MCF2L2: variants seen among roughly 807,000 people sequenced by gnomAD.
The protein encoded by MCF2L2 is probable guanine nucleotide exchange factor MCF2L2.
Under a neutral mutation model 150.2 loss-of-function variants are expected in MCF2L2, and 102 were observed. That is an observed-to-expected ratio of 0.68 (90% CI 0.58 to 0.80). The LOEUF (loss-of-function observed/expected upper bound fraction) is 0.80. MCF2L2 is among the 30% of genes least tolerant of loss of function. MCF2L2 has a pLI of 0.00. For missense variants in MCF2L2, 1,256 were observed against 1,372.8 expected, an observed-to-expected ratio of 0.91 and a Z score of 1.34; for synonymous variants, 465 against 491.3, an observed-to-expected ratio of 0.95 and a Z score of 0.71.
rs376011723 is a variant in MCF2L2 at position 183,310,873 on chromosome 3, C to T, written c.993+42G>A. On this transcript the variant is annotated intron_variant, in intron 9 of 29. Transcript: ENST00000328913. ...AGGAGGGAGAGAAAACCAGAGGTCC[C>T]GGTACCAGAAAAGAAAGTTACAGTA... 95 of 1,378,064 alleles carry T rather than the reference C, an allele frequency of 6.9e-5. 1 individual carries two copies. Among genetic ancestry groups the T allele is most frequent in the Middle Eastern group, 5.4e-4 (3 of 5,582 alleles). 85.4% of individuals were successfully genotyped at this position (1,378,064 alleles called of 1,614,324 possible). A position where few individuals can be genotyped will look rare whatever the true frequency, so the allele number is the denominator to read the frequency against.
chr3:183,409,058 C>T (rs1715187802), intron 1 of MCF2L2, among the ~76,000 whole-genome samples: 1 of 152,178 alleles, frequency 6.6e-6, no homozygotes, highest in Admixed American at 6.5e-5. Flanking sequence ...CCTTAACAGG[C>T]TTATTATCCT....
chr3:183,277,250 T>G (rs1026278012), intron 14 of MCF2L2, among the ~76,000 whole-genome samples: 1 of 151,608 alleles, frequency 6.6e-6, no homozygotes, highest in African/African-American at 2.4e-5. Context: ...GGCAGGAGAA[T>G]TGCTCGAACC....
intron 1 of MCF2L2, among the ~76,000 whole-genome samples, chr3:183,424,859 G>A (rs767697382): frequency 1.3e-5 from 2 of 152,148 alleles, no homozygotes; most frequent in African/African-American, 2.4e-5. Context: ...AAAAGGTCTG[G>A]AAAACATAAT....
chr3:183,334,454 G>A (rs9838217), intron 5 of MCF2L2, among the ~76,000 whole-genome samples: 5,800 of 151,960 alleles, frequency 0.038, 368 homozygotes, highest in African/African-American at 0.13. Flanking sequence ...GCCTCCAGGC[G>A]ATACTCCAAG....
chr3:183,278,209 TA>T (rs998701445), intron 14 of MCF2L2, among the ~76,000 whole-genome samples: 5 of 148,528 alleles, frequency 3.4e-5, no homozygotes, highest in African/African-American at 1.3e-4. Flanking sequence ...TATATATATA[TA>T]TTTTTTATTA....
chr3:183,399,945 A>C (rs1482305426), intron 1 of MCF2L2, among the ~76,000 whole-genome samples: 2 of 152,222 alleles, frequency 1.3e-5, no homozygotes, highest in Non-Finnish European at 2.9e-5. Context: ...AATAGAAAAT[A>C]CAACCAAACA....
intron 15 of MCF2L2, among the ~76,000 whole-genome samples, chr3:183,233,270 C>T (rs1029497433): frequency 5.3e-5 from 8 of 151,850 alleles, no homozygotes; most frequent in Admixed American, 2.6e-4. Flanking sequence ...GATAATTACT[C>T]GAACCCAGGA....
intron 7 of MCF2L2, among the ~76,000 whole-genome samples, chr3:183,316,958 G>A (rs1049949451): frequency 6.6e-6 from 1 of 151,578 alleles, no homozygotes; most frequent in East Asian, 2.0e-4. Flanking sequence ...CGCCCACCTC[G>A]GCCTCCCAAA....
intron 11 of MCF2L2, 65 bp from the exon 12 acceptor site, chr3:183,297,232 C>T: frequency 7.1e-7 from 1 of 1,402,978 alleles, no homozygotes; most frequent in Non-Finnish European, 1.0e-6. Context: ...CCGTAATCCT[C>T]AGCAGGTCTG....
chr3:183,374,215 T>G (rs1355760763), intron 3 of MCF2L2: 1 of 152,420 alleles, frequency 6.6e-6, no homozygotes, highest in African/African-American at 2.4e-5. Context: ...CTCCTTAACT[T>G]GGGGGTAAAG....
chr3:183,365,673 G>T (rs557080083), intron 3 of MCF2L2, among the ~76,000 whole-genome samples: 1 of 152,262 alleles, frequency 6.6e-6, no homozygotes, highest in African/African-American at 2.4e-5. Flanking sequence ...AAGCATGGAT[G>T]AATTACTCTA....
chr3:183,339,636 C>T (rs970504144), intron 4 of MCF2L2, among the ~76,000 whole-genome samples: 21 of 152,166 alleles, frequency 1.4e-4, no homozygotes, highest in African/African-American at 4.8e-4. Flanking sequence ...TCGCCCACAT[C>T]GCAAGGCAAG....
intron 3 of MCF2L2, among the ~76,000 whole-genome samples, chr3:183,351,618 T>C (rs974615425): frequency 6.6e-6 from 1 of 152,170 alleles, no homozygotes; most frequent in East Asian, 1.9e-4. Context: ...ATAGATATAC[T>C]GCACATGGGG....
intron 15 of MCF2L2, among the ~76,000 whole-genome samples, chr3:183,259,157 C>T (rs1056161232): frequency 1.3e-5 from 2 of 152,172 alleles, no homozygotes; most frequent in Non-Finnish European, 2.9e-5. Context: ...CAACATAATG[C>T]AACATTTCAA....
At chr3:183,188,968 CA>C (rs61285950) in intron 27 of MCF2L2, among the ~76,000 whole-genome samples, 12,687 of 140,592 alleles carry the variant, frequency 0.09, 1,421 homozygotes, top group African/African-American at 0.28. Flanking sequence ...AACTCTATCG[CA>C]AAAAAAAAAA....
intron 15 of MCF2L2, chr3:183,253,302 C>G (rs1416457123): frequency 6.6e-6 from 1 of 152,040 alleles, no homozygotes; most frequent in South Asian, 2.1e-4. Flanking sequence ...CAGCGCTGCC[C>G]GTCCAGTCCT....
At chr3:183,292,135 A>G (rs558398238) in intron 13 of MCF2L2, among the ~76,000 whole-genome samples, 1 of 152,310 alleles carries the variant, frequency 6.6e-6, no homozygotes, top group Admixed American at 6.5e-5. Flanking sequence ...GAAATACACT[A>G]AATGTTATCA....
rs779255516 is a variant in MCF2L2, at chr3:183,207,658, G to C, written c.2662C>G (p.Pro888Ala). ...GIVFCKIRMEPGDQGLSPHYS... is the reference protein window; with the variant it reads ...GIVFCKIRMEAGDQGLSPHYS... ...TGAGGAGATAATCCCTGGTCCCCAG[G>C]CTCCATTCGTATCTTACAGAACACT... Residue 888 changes from proline to alanine, a missense_variant, in exon 23 of 30, where the codon CCT becomes GCT. By Grantham distance (27) the Pro-to-Ala change is conservative (BLOSUM62 -1). Transcript: ENST00000328913. 1 of 1,614,180 alleles carries C rather than the reference G, an allele frequency of 6.2e-7. No individual in the cohort carries two copies. The highest frequency in any genetic ancestry group is 8.5e-7 in the Non-Finnish European group (1 of 1,180,010).
In MCF2L2 at chr3:183,229,675, A is replaced by C. The variant is rs1340264412; in HGVS notation, c.2036T>G (p.Phe679Cys). The change falls in exon 17 of 30, where the codon TTT (phenylalanine) becomes TGT (cysteine). Residue 679 changes from phenylalanine to cysteine, a missense_variant. Physicochemically the swap from Phe to Cys is radical, Grantham distance 205 (BLOSUM62 -2). Coordinates refer to ENST00000328913, the MANE Select transcript of MCF2L2 (RefSeq NM_015078.4). ...ATGAATTATTATATACCTGTTGTGA[A>C]ATTCGTAAAGTTCTCTAATATTCCC... ...LFGNIRELYEFHNRTFLKELE... is the reference protein window; with the variant it reads ...LFGNIRELYECHNRTFLKELE... 7 of 1,491,546 alleles carry C rather than the reference A, an allele frequency of 4.7e-6. No homozygotes were observed. Among genetic ancestry groups the C allele is most frequent in the African/African-American group, 1.4e-5 (1 of 71,980 alleles). The allele number at this position is 1,491,546 out of a possible 1,614,324, so 92.4% of individuals were successfully genotyped here.
Sources: gnomAD v4.1 joint callset for allele counts (sites outside exome capture counted in the v4.1 genomes callset) on GRCh38, gnomAD v4.1.1 for gene constraint, MANE v1.5 for transcripts, NCBI Gene and HGNC (gene_info 2026-07-23, HGNC 2026-07-21) for gene names.